PRDM16: variants seen among roughly 807,000 people sequenced by gnomAD.
The protein encoded by PRDM16 is PR/SET domain 16.
PRDM16 carries 23 observed loss-of-function variants against 110.6 expected under a neutral mutation model. The observed-to-expected ratio is 0.21, with a 90% CI of 0.15 to 0.29. PRDM16 has a LOEUF of 0.29. PRDM16 is among the 10% of genes least tolerant of loss of function. The pLI is 1.00. For synonymous variants in PRDM16, 799 were observed against 781.8 expected, an observed-to-expected ratio of 1.02 and a Z score of -0.37; for missense variants, 1,615 against 1,794.3, an observed-to-expected ratio of 0.90 and a Z score of 1.81.
intron 1 of PRDM16, among the ~76,000 whole-genome samples, chr1:3,093,473 G>A (rs1383594725): frequency 3.3e-5 from 5 of 152,172 alleles, no homozygotes; most frequent in Admixed American, 2.6e-4. Flanking sequence ...AGACTTTGGG[G>A]GCCCTGGAAT....
At chr1:3,369,297 G>T (rs759975785) in intron 3 of PRDM16, among the ~76,000 whole-genome samples, 13 of 152,186 alleles carry the variant, frequency 8.5e-5, no homozygotes, top group Non-Finnish European at 1.8e-4. Context: ...CGTGCCCACG[G>T]TTTGGGAAGG....
At chr1:3,140,191 C>T (rs182336989) in intron 1 of PRDM16, among the ~76,000 whole-genome samples, 15 of 152,382 alleles carry the variant, frequency 9.8e-5, no homozygotes, top group African/African-American at 3.1e-4. Context: ...ATGCAGCCCC[C>T]GGATGGCCGT....
chr1:3,070,928 C>T (rs1452769656), intron 1 of PRDM16, among the ~76,000 whole-genome samples: 1 of 152,250 alleles, frequency 6.6e-6, no homozygotes, highest in Non-Finnish European at 1.5e-5. Context: ...CCTCCCGTGA[C>T]CTCTGACCCC....
chr1:3,393,669 C>G (rs993728316), intron 4 of PRDM16, among the ~76,000 whole-genome samples: 4 of 152,210 alleles, frequency 2.6e-5, no homozygotes, highest in African/African-American at 9.7e-5. Flanking sequence ...CAGTGGCGTT[C>G]TCGGCGCGTC....
chr1:3,401,902 T>C (rs1487773253), intron 5 of PRDM16, among the ~76,000 whole-genome samples: 1 of 152,150 alleles, frequency 6.6e-6, no homozygotes, highest in African/African-American at 2.4e-5. Context: ...CGCATGTAGG[T>C]GCATGCAGAA....
intron 1 of PRDM16, among the ~76,000 whole-genome samples, chr1:3,099,600 G>A (rs1362092181): frequency 1.3e-5 from 2 of 152,206 alleles, no homozygotes; most frequent in African/African-American, 2.4e-5. Flanking sequence ...GCACATCACA[G>A]AGAGAGGTGC....
rs769238497 is a variant in PRDM16 at position 3,437,844 on chromosome 1, G to A, written c.*4033G>A. On this transcript the variant is annotated 3_prime_UTR_variant, in exon 17 of 17. Coordinates refer to ENST00000270722, the MANE Select transcript of PRDM16 (RefSeq NM_022114.4). ...AGTCATTCTAACAATTGCCTTCAGCGTCACGTGCATTGCCACTGCGCTTTC... is the reference window on the plus strand; with the variant it reads ...AGTCATTCTAACAATTGCCTTCAGCATCACGTGCATTGCCACTGCGCTTTC... The A allele has an allele frequency of 1.2e-4, 25 of 217,036 alleles. 1 individual carries two copies. The highest frequency in any genetic ancestry group is 1.3e-3 in the Middle Eastern group (1 of 746). 13.4% of individuals were successfully genotyped at this position (217,036 alleles called of 1,614,324 possible). A position where few individuals can be genotyped will look rare whatever the true frequency, so the allele number is the denominator to read the frequency against.
At chr1:3,113,265 G>A (rs961449666) in intron 1 of PRDM16, among the ~76,000 whole-genome samples, 7 of 152,364 alleles carry the variant, frequency 4.6e-5, no homozygotes, top group Admixed American at 6.5e-5. Flanking sequence ...ACTGGAGGGA[G>A]CATCAGGTGC....
At chr1:3,375,493 C>T (rs902727670) in intron 3 of PRDM16, among the ~76,000 whole-genome samples, 1 of 152,224 alleles carries the variant, frequency 6.6e-6, no homozygotes. Context: ...AGAGGTGCCA[C>T]GAAGGACGAG....
At chr1:3,336,327 CAT>C (rs1336305137) in intron 3 of PRDM16, among the ~76,000 whole-genome samples, 9 of 150,324 alleles carry the variant, frequency 6.0e-5, no homozygotes, top group East Asian at 1.9e-4. Flanking sequence ...TGTACATGCA[CAT>C]GTGTGTACAT....
At chr1:3,266,223 C>G (rs1342983372) in intron 3 of PRDM16, among the ~76,000 whole-genome samples, 1 of 152,232 alleles carries the variant, frequency 6.6e-6, no homozygotes, top group Non-Finnish European at 1.5e-5. Flanking sequence ...TTGTGCAACG[C>G]TGGCCCTCTG....
intron 4 of PRDM16, among the ~76,000 whole-genome samples, chr1:3,393,992 G>C (rs1173107945): frequency 2.0e-5 from 3 of 152,170 alleles, no homozygotes; most frequent in African/African-American, 7.2e-5. Context: ...CGGCGCGCTA[G>C]ACCCTCCCGC....
chr1:3,412,598 C>G lies in PRDM16; in HGVS notation c.2401C>G (p.Gln801Glu). 1 of 1,602,088 alleles carries G rather than the reference C, an allele frequency of 6.2e-7. No individual in the cohort carries two copies. Among genetic ancestry groups the G allele is most frequent in the Admixed American group, 1.7e-5 (1 of 59,444 alleles). The change falls in exon 9 of 17, where the codon CAG (glutamine) becomes GAG (glutamate). Residue 801 changes from glutamine (Q) to glutamate (E), a missense_variant. This residue lies in a region of PRDM16 where 772 missense variants were observed against 748.3 expected (regional missense o/e 1.03). Transcript: ENST00000270722. ...GPSAPASGEE[Q>E]PLDLSIGSRA... ...CTCGGCCCCCGCATCCGGCGAGGAG[C>G]AGCCGCTGGACCTGAGCATCGGCAG...
chr1:3,403,725 G>T (rs1643512840), intron 6 of PRDM16, among the ~76,000 whole-genome samples: 1 of 152,242 alleles, frequency 6.6e-6, no homozygotes, highest in African/African-American at 2.4e-5. Flanking sequence ...AGGACATTCA[G>T]TCCAGTGCTG....
chr1:3,211,897 C>T (rs999019545), intron 2 of PRDM16, among the ~76,000 whole-genome samples: 1 of 152,200 alleles, frequency 6.6e-6, no homozygotes, highest in South Asian at 2.1e-4. Context: ...GGTGTGTATC[C>T]GCGGCTGCTC....
chr1:3,264,158 C>T (rs1165357473), intron 3 of PRDM16, among the ~76,000 whole-genome samples: 6 of 152,214 alleles, frequency 3.9e-5, no homozygotes, highest in Admixed American at 6.5e-5. Flanking sequence ...AGCAATGACA[C>T]GAGCAGTTAC....
chr1:3,268,238 G>T (rs1040818100), intron 3 of PRDM16, among the ~76,000 whole-genome samples: 1 of 152,244 alleles, frequency 6.6e-6, no homozygotes, highest in African/African-American at 2.4e-5. Flanking sequence ...GCGTGGAAGT[G>T]TGTTTGTCTC....
chr1:3,093,280 A>C (rs541768384), intron 1 of PRDM16, among the ~76,000 whole-genome samples: 1 of 152,234 alleles, frequency 6.6e-6, no homozygotes, highest in Non-Finnish European at 1.5e-5. Flanking sequence ...GGCTAGCTCC[A>C]TGCTGGGGCC....
chr1:3,112,240 C>T (rs370631764), intron 1 of PRDM16, among the ~76,000 whole-genome samples: 3 of 152,278 alleles, frequency 2.0e-5, no homozygotes, highest in South Asian at 2.1e-4. Context: ...GGAGCCTCGG[C>T]GTTTCACCCG....
Sources: gnomAD v4.1 joint callset for allele counts (sites outside exome capture counted in the v4.1 genomes callset) on GRCh38, gnomAD v4.1.1 for gene constraint, gnomAD v4.1.1 regional missense constraint, MANE v1.5 for transcripts, NCBI Gene and HGNC (gene_info 2026-07-23, HGNC 2026-07-21) for gene names.